Variants in TMEM65 observed in about 807,000 individuals in gnomAD.
The protein encoded by TMEM65 is transmembrane protein 65.
A neutral mutation model predicts 25.4 loss-of-function variants in TMEM65; 22 were observed. The observed-to-expected ratio is 0.86, with a 90% CI of 0.62 to 1.23. The LOEUF (loss-of-function observed/expected upper bound fraction) is 1.23, where lower values mean the gene tolerates loss of function less well. TMEM65 is among the 50% of genes most tolerant of loss of function. The probability of loss-of-function intolerance (pLI) is 0.00; values close to 1 mark genes in which losing one functional copy is unlikely to be tolerated. For synonymous variants in TMEM65, 132 were observed against 126.2 expected (o/e 1.05, Z -0.31); for missense variants, 262 against 308.2 (o/e 0.85, Z 1.12).
chr8:124,325,318 GATA>G (rs1428008323), intron 3 of TMEM65, among the ~76,000 whole-genome samples: 1 of 151,802 alleles, frequency 6.6e-6, no homozygotes, highest in Non-Finnish European at 1.5e-5. Flanking sequence ...ACATTCTTAA[GATA>G]ATAATCACTT....
At chr8:124,371,819 G>A (rs1263974606) in intron 1 of TMEM65, 35 bp downstream of exon 1, 6 of 1,491,244 alleles carry the variant, frequency 4.0e-6, no homozygotes, top group African/African-American at 1.5e-5. Flanking sequence ...AGGGCGTCGG[G>A]GCCCCCGGGC....
chr8:124,371,817 G>C (rs897112095), intron 1 of TMEM65, 37 bp downstream of exon 1: 5 of 1,488,852 alleles, frequency 3.4e-6, no homozygotes, highest in Non-Finnish European at 4.4e-6. Context: ...GGAGGGCGTC[G>C]GGGCCCCCGG....
chr8:124,321,378 T>A (rs113142347), intron 5 of TMEM65, among the ~76,000 whole-genome samples: 51 of 152,270 alleles, frequency 3.3e-4, no homozygotes, highest in African/African-American at 1.2e-3. Flanking sequence ...AGAGCATATT[T>A]ATCATAATAA....
rs1394294022 is a variant in TMEM65, at chr8:124,334,821, GGCTTA to G, written c.305-4034_305-4030del. ...AAATTAAAAAAAAATTAACTGGATA[GGCTTA>G]CAAGCAGAATGAAGGTGAGAGAAGA... On this transcript the variant is annotated intron_variant, in intron 1 of 6. Coordinates refer to ENST00000297632, the MANE Select transcript of TMEM65 (RefSeq NM_194291.3). Among the ~76,000 whole-genome samples, 3 of 149,048 alleles carry G rather than the reference GGCTTA, an allele frequency of 2.0e-5. No individual in the cohort carries two copies. The East Asian group carries it at 5.9e-4, about 29-fold the overall frequency.
intron 4 of TMEM65, 42 bp from the exon 5 acceptor site, chr8:124,322,189 A>G (rs1814310935): frequency 7.0e-7 from 1 of 1,429,284 alleles, no homozygotes; most frequent in Non-Finnish European, 9.8e-7. Flanking sequence ...TAAAAGAATA[A>G]TAATTATATC....
chr8:124,319,028 GATCT>G (rs1337451422), intron 6 of TMEM65, among the ~76,000 whole-genome samples: 1 of 152,028 alleles, frequency 6.6e-6, no homozygotes, highest in Non-Finnish European at 1.5e-5. Context: ...TTGAATGTAA[GATCT>G]ATCAGAAATA....
rs1815025931 is a variant in TMEM65 at position 124,372,111 on chromosome 8, A to C, written c.47T>G (p.Leu16Arg). Residue 16 changes from leucine (L) to arginine (R), a missense_variant, in exon 1 of 7, where the codon CTG becomes CGG. Leu to Arg is a moderately radical substitution (Grantham distance 102). Transcript: ENST00000297632. Reference protein sequence around the residue: ...PLLRSRTARSLRPGPAAAAAP... With the variant: ...PLLRSRTARSRRPGPAAAAAP... ...GGCGGCGGCGGCCGGGCCCGGCCTC[A>C]GGCTGCGCGCGGTCCGGCTCCTCAG... 2 of 1,115,542 alleles carry C rather than the reference A, an allele frequency of 1.8e-6. No individual in the cohort carries two copies. Among genetic ancestry groups the C allele is most frequent in the Admixed American group, 5.3e-5 (1 of 19,040 alleles). The allele number at this position is 1,115,542 out of a possible 1,614,324, so 69.1% of individuals were successfully genotyped here. A position where few individuals can be genotyped will look rare whatever the true frequency, so the allele number is the denominator to read the frequency against.
intron 1 of TMEM65, among the ~76,000 whole-genome samples, chr8:124,341,785 T>C (rs756244565): frequency 1.3e-5 from 2 of 152,014 alleles, no homozygotes; most frequent in Non-Finnish European, 2.9e-5. Flanking sequence ...AAACATTTGA[T>C]ATTTTTAACA....
intron 6 of TMEM65, among the ~76,000 whole-genome samples, chr8:124,319,787 T>C (rs1814282778): frequency 6.6e-6 from 1 of 152,122 alleles, no homozygotes; most frequent in African/African-American, 2.4e-5. Context: ...CTAAACAAGT[T>C]CCTCAAGGAT....
intron 1 of TMEM65, among the ~76,000 whole-genome samples, chr8:124,353,126 C>CA (rs199711984): frequency 0.014 from 2,061 of 146,194 alleles, 22 homozygotes; most frequent in African/African-American, 0.032. Context: ...GACTCTGTCT[C>CA]AAAAAAAAAC....
chr8:124,346,055 G>A (rs1437703122), intron 1 of TMEM65, among the ~76,000 whole-genome samples: 1 of 152,182 alleles, frequency 6.6e-6, no homozygotes, highest in Non-Finnish European at 1.5e-5. Context: ...AAGAAAGAAG[G>A]TTTAATTGAC....
rs1202121415 is a variant in TMEM65, at chr8:124,309,853, C to A, written c.*4107G>T. On this transcript the variant is annotated 3_prime_UTR_variant, in exon 7 of 7. Coordinates refer to ENST00000297632, the MANE Select transcript of TMEM65 (RefSeq NM_194291.3). ...ACCACCTGAGGTCAGGAGTCTGAGG[C>A]CAGCCTGGCCAACATGGTGAAACCC... The A allele has an allele frequency of 1.3e-5, 2 of 152,196 alleles. No homozygotes were observed. Among genetic ancestry groups the A allele is most frequent in the Non-Finnish European group, 2.9e-5 (2 of 68,080 alleles). The allele number at this position is 152,196 out of a possible 1,614,324, so 9.4% of individuals were successfully genotyped here.
rs1322629842 is a variant in TMEM65, at chr8:124,307,612, G to A, written c.*6348C>T. 6.6e-6 allele frequency: 1 copy of A among 152,058 alleles called. No individual in the cohort carries two copies. The highest frequency in any genetic ancestry group is 2.4e-5 in the African/African-American group (1 of 41,372). 9.4% of individuals were successfully genotyped at this position (152,058 alleles called of 1,614,324 possible). On this transcript the variant is annotated 3_prime_UTR_variant, in exon 7 of 7. Coordinates refer to ENST00000297632, the MANE Select transcript of TMEM65 (RefSeq NM_194291.3). Reference sequence around the variant, plus strand: ...GTACCTATAGGCTCTAATATGATTGGAGAAAAGGCGGTCATTATATGACAA... The same window carrying A: ...GTACCTATAGGCTCTAATATGATTGAAGAAAAGGCGGTCATTATATGACAA...
intron 1 of TMEM65, among the ~76,000 whole-genome samples, chr8:124,339,642 A>G (rs1470680665): frequency 6.6e-6 from 1 of 152,048 alleles, no homozygotes; most frequent in Non-Finnish European, 1.5e-5. Context: ...CTCTGATTTG[A>G]GCAGCATGAA....
intron 1 of TMEM65, among the ~76,000 whole-genome samples, chr8:124,345,168 C>T (rs1047456230): frequency 2.6e-5 from 4 of 152,188 alleles, no homozygotes; most frequent in Non-Finnish European, 5.9e-5. Context: ...TAGGAGCTGA[C>T]CTTTCAGCCA....
At chr8:124,371,253 T>C (rs557236033) in intron 1 of TMEM65, among the ~76,000 whole-genome samples, 39 of 152,366 alleles carry the variant, frequency 2.6e-4, no homozygotes, top group African/African-American at 9.1e-4. Context: ...TGTCTTTCCA[T>C]TTCTGGAGAA....
chr8:124,358,692 C>T (rs1000495349), intron 1 of TMEM65, among the ~76,000 whole-genome samples: 3 of 152,152 alleles, frequency 2.0e-5, no homozygotes, highest in African/African-American at 7.2e-5. Context: ...AGGGGCTGCC[C>T]AACTCTTAAA....
At chr8:124,316,447 C>T (rs1178116192) in intron 6 of TMEM65, among the ~76,000 whole-genome samples, 1 of 152,058 alleles carries the variant, frequency 6.6e-6, no homozygotes, top group African/African-American at 2.4e-5. Flanking sequence ...GAGTAGATGG[C>T]TGGTCACTAA....
At chr8:124,326,091 A>G (rs1210746538) in intron 3 of TMEM65, among the ~76,000 whole-genome samples, 2 of 152,072 alleles carry the variant, frequency 1.3e-5, no homozygotes, top group Non-Finnish European at 2.9e-5. Context: ...TAAAAGTTAG[A>G]GTCAGTGAAA....
Sources: gnomAD v4.1 joint callset for allele counts (sites outside exome capture counted in the v4.1 genomes callset) on GRCh38, gnomAD v4.1.1 for gene constraint, MANE v1.5 for transcripts, NCBI Gene and HGNC (gene_info 2026-07-23, HGNC 2026-07-21) for gene names.